Variants in FAM53B observed in about 807,000 individuals in gnomAD.
FAM53B encodes the protein family with sequence similarity 53 member B.
A neutral mutation model predicts 32.7 loss-of-function variants in FAM53B; 12 were observed. The observed-to-expected ratio is 0.37, with a 90% CI of 0.24 to 0.59. The LOEUF (loss-of-function observed/expected upper bound fraction) is 0.59, where lower values mean the gene tolerates loss of function less well. FAM53B is among the 20% of genes least tolerant of loss of function. The pLI is 0.72. For synonymous variants in FAM53B, 234 were observed against 228.7 expected (o/e 1.02, Z -0.21); for missense variants, 477 against 577.7 (o/e 0.83, Z 1.79).
At chr10:124,649,830 G>GT (rs1296659503) in intron 4 of FAM53B, among the ~76,000 whole-genome samples, 1 of 151,986 alleles carries the variant, frequency 6.6e-6, no homozygotes, top group Non-Finnish European at 1.5e-5. Flanking sequence ...CCAAATATAC[G>GT]TAAGTCCCCA....
At chr10:124,692,568 A>G (rs956351188) in intron 3 of FAM53B, among the ~76,000 whole-genome samples, 5 of 151,934 alleles carry the variant, frequency 3.3e-5, no homozygotes, top group Admixed American at 3.3e-4. Context: ...TACAAAAATT[A>G]GCCGGGCATG....
intron 3 of FAM53B, among the ~76,000 whole-genome samples, chr10:124,685,619 G>A (rs1312378950): frequency 4.6e-5 from 7 of 152,256 alleles, no homozygotes; most frequent in African/African-American, 1.7e-4. Flanking sequence ...GGGGAAACCC[G>A]TGACATGAAA....
In FAM53B at chr10:124,711,058, C is replaced by T. The variant is rs527644136; in HGVS notation, c.-174-4171G>A. 5.9e-5 allele frequency among the ~76,000 whole-genome samples: 9 copies of T among 152,304 alleles called. No homozygotes were observed. In the East Asian group the frequency reaches 1.7e-3, roughly 29 times the overall value. ...ATAACAGCCAAAACCAGGAAATACT[C>T]CACAGACGCTTTGCTGGGTGAACAA... is the stretch of plus-strand genomic sequence containing the variant. On this transcript the variant is annotated intron_variant, in intron 1 of 4. Coordinates refer to ENST00000337318, the MANE Select transcript of FAM53B (RefSeq NM_014661.4).
chr10:124,654,461 C>T (rs1949574418), intron 4 of FAM53B, among the ~76,000 whole-genome samples: 1 of 152,080 alleles, frequency 6.6e-6, no homozygotes, highest in African/African-American at 2.4e-5. Flanking sequence ...TGGTGTTTGG[C>T]TTCCCAAAGG....
chr10:124,649,746 G>A (rs1317494015), intron 4 of FAM53B, among the ~76,000 whole-genome samples: 1 of 152,166 alleles, frequency 6.6e-6, no homozygotes, highest in Admixed American at 6.5e-5. Context: ...CACACACTGG[G>A]AAGTGTGCAC....
rs186165092 is a variant in FAM53B, at chr10:124,666,203, G to C, written c.906+15404C>G. On this transcript the variant is annotated intron_variant, in intron 4 of 4. Coordinates refer to ENST00000337318, the MANE Select transcript of FAM53B (RefSeq NM_014661.4). ...ATTCCTGTGAATCCCTCCCAGAAGG[G>C]TGGGGCAAACCAGAGCCACAAATGC... Among the ~76,000 whole-genome samples, 119 of 152,348 alleles carry C rather than the reference G, an allele frequency of 7.8e-4. 1 individual carries two copies. Among genetic ancestry groups the C allele is most frequent in the Non-Finnish European group, 5.9e-5 (4 of 68,036 alleles).
chr10:124,637,342 G>A (rs927152754), intron 4 of FAM53B, among the ~76,000 whole-genome samples: 2 of 152,200 alleles, frequency 1.3e-5, no homozygotes, highest in African/African-American at 2.4e-5. Flanking sequence ...CAGCCGCCTT[G>A]TGCTGGGCAT....
At chr10:124,661,507 G>A (rs1949631361) in intron 4 of FAM53B, among the ~76,000 whole-genome samples, 1 of 152,202 alleles carries the variant, frequency 6.6e-6, no homozygotes, top group African/African-American at 2.4e-5. Flanking sequence ...TAAAAGCTGC[G>A]CCTGTCCTGT....
chr10:124,655,665 G>A (rs1949585125), intron 4 of FAM53B, among the ~76,000 whole-genome samples: 1 of 152,146 alleles, frequency 6.6e-6, no homozygotes, highest in South Asian at 2.1e-4. Flanking sequence ...TGAATATCCA[G>A]CAGCCTGTTC....
intron 4 of FAM53B, among the ~76,000 whole-genome samples, chr10:124,648,723 T>G (rs1949536824): frequency 6.6e-6 from 1 of 152,256 alleles, no homozygotes; most frequent in African/African-American, 2.4e-5. Context: ...TTAAGTAACT[T>G]GCCCAAGGTC....
At chr10:124,684,808 C>T (rs927367975) in intron 3 of FAM53B, among the ~76,000 whole-genome samples, 8 of 152,104 alleles carry the variant, frequency 5.3e-5, no homozygotes, top group Admixed American at 1.3e-4. Context: ...CATGAGCCAC[C>T]GTGACCAGCT....
rs561142432 is a variant in FAM53B, at chr10:124,687,236, C to A, written c.134-4857G>T. ...CCAAGCGCTAGGCCCTGACGTCACA[C>A]CATACAAAGGGCCTCGGTAGGCCTC... On this transcript the variant is annotated intron_variant, in intron 3 of 4. Transcript: ENST00000337318. Among the ~76,000 whole-genome samples the A allele has an allele frequency of 1.9e-3, 285 of 152,308 alleles. 1 individual carries two copies. Among genetic ancestry groups the A allele is most frequent in the Non-Finnish European group, 3.4e-3 (229 of 68,028 alleles).
chr10:124,732,373 T>C (rs1195763826), intron 1 of FAM53B, among the ~76,000 whole-genome samples: 1 of 152,040 alleles, frequency 6.6e-6, no homozygotes. Flanking sequence ...GTCTTACAAG[T>C]GCAGGGGAAG....
At chr10:124,743,664 A>G (rs1589771335) in intron 1 of FAM53B, among the ~76,000 whole-genome samples, 1 of 151,158 alleles carries the variant, frequency 6.6e-6, no homozygotes, top group Admixed American at 6.6e-5. Flanking sequence ...CGGAGAGGAC[A>G]CCCCCGGGCG....
At chr10:124,671,084 G>C in intron 4 of FAM53B, 8 of 438,644 alleles carry the variant, frequency 1.8e-5, no homozygotes, top group South Asian at 1.1e-4. Context: ...AGCCAGGCTG[G>C]GGGACAGAGG....
At chr10:124,704,803 C>A (rs1020289917) in intron 2 of FAM53B, among the ~76,000 whole-genome samples, 8 of 152,202 alleles carry the variant, frequency 5.3e-5, no homozygotes, top group African/African-American at 1.9e-4. Flanking sequence ...GGGATTCTCT[C>A]TGGCTGCTGG....
At chr10:124,738,018 G>A (rs1229050682) in intron 1 of FAM53B, among the ~76,000 whole-genome samples, 2 of 152,144 alleles carry the variant, frequency 1.3e-5, no homozygotes, top group Non-Finnish European at 1.5e-5. Flanking sequence ...TGGCCCAGCA[G>A]AAACAGAAAT....
At chr10:124,632,187 C>A (rs564797360) in intron 4 of FAM53B, among the ~76,000 whole-genome samples, 1 of 152,258 alleles carries the variant, frequency 6.6e-6, no homozygotes, top group South Asian at 2.1e-4. Context: ...CGTTTCTGCA[C>A]CAGGCCCCAG....
At chr10:124,731,763 T>C (rs1950144765) in intron 1 of FAM53B, among the ~76,000 whole-genome samples, 1 of 151,988 alleles carries the variant, frequency 6.6e-6, no homozygotes, top group Non-Finnish European at 1.5e-5. Context: ...CCACATGAAG[T>C]TTTGGCTGTG....
Sources: allele counts gnomAD v4.1 joint callset (sites outside exome capture counted in the v4.1 genomes callset), GRCh38; gene constraint gnomAD v4.1.1; transcripts MANE v1.5; gene names NCBI Gene and HGNC (gene_info 2026-07-23, HGNC 2026-07-21).